The following PDE1A variants were observed in gnomAD, a reference collection of about 807,000 sequenced individuals.
PDE1A encodes the protein phosphodiesterase 1A, also known as dual specificity calcium/calmodulin-dependent 3',5'-cyclic nucleotide phosphodiesterase 1A.
PDE1A carries 35 observed loss-of-function variants against 61.7 expected under a neutral mutation model. That is an observed-to-expected ratio of 0.57 (90% CI 0.43 to 0.75). The LOEUF (loss-of-function observed/expected upper bound fraction) is 0.75. PDE1A is among the 30% of genes least tolerant of loss of function. The pLI, the probability that PDE1A is intolerant of heterozygous loss-of-function variation, is 0.00. For synonymous variants in PDE1A, 232 were observed against 213.2 expected (o/e 1.09, Z -0.77); for missense variants, 597 against 630.6 (o/e 0.95, Z 0.57).
At chr2:182,161,739 C>A (rs1011726582) in intron 13 of PDE1A, among the ~76,000 whole-genome samples, 1 of 152,012 alleles carries the variant, frequency 6.6e-6, no homozygotes, top group African/African-American at 2.4e-5. Context: ...TAACTGATAC[C>A]AGCAGAAATC....
upstream of PDE1A, among the ~76,000 whole-genome samples, chr2:182,429,468 G>A (rs939901816): frequency 6.6e-5 from 10 of 152,066 alleles, no homozygotes; most frequent in East Asian, 1.5e-3. Flanking sequence ...TTTTCCTGAG[G>A]GGGGTCAGAA....
chr2:182,180,274 C>G (rs543302796), intron 13 of PDE1A, among the ~76,000 whole-genome samples: 1 of 152,200 alleles, frequency 6.6e-6, no homozygotes, highest in East Asian at 1.9e-4. Context: ...TAATCATAAT[C>G]ATAATGATAA....
Position 182,517,559 on chromosome 2 carries a change from C to T in PDE1A, c.101+4717G>A, listed in dbSNP as rs1188475761. ...CAAATCCAATGAAGTGAGCATAGCTCTTGCACTCAAAAGCTGTGGTTGAAT... is the reference window on the plus strand; with the variant it reads ...CAAATCCAATGAAGTGAGCATAGCTTTTGCACTCAAAAGCTGTGGTTGAAT... On this transcript the variant is annotated intron_variant, in intron 2 of 14. Coordinates refer to the PDE1A transcript ENST00000410103. Among the ~76,000 whole-genome samples, 6 of 152,172 alleles carry T rather than the reference C, an allele frequency of 3.9e-5. 1 individual carries two copies. The highest frequency in any genetic ancestry group is 8.8e-5 in the Non-Finnish European group (6 of 68,032).
the PDE1A span, among the ~76,000 whole-genome samples, chr2:182,598,832 T>C: frequency 9.2e-5 from 14 of 152,342 alleles, no homozygotes; most frequent in East Asian, 3.9e-4. Flanking sequence ...CCACAAAACT[T>C]TGTGGCTTAA....
the PDE1A span, among the ~76,000 whole-genome samples, chr2:182,655,393 G>T: frequency 6.6e-6 from 1 of 152,126 alleles, no homozygotes; most frequent in African/African-American, 2.4e-5. Flanking sequence ...ATGGGAAGGT[G>T]AACCCAAGTC....
chr2:182,191,501 C>T (rs984983722), intron 10 of PDE1A, among the ~76,000 whole-genome samples: 6 of 152,060 alleles, frequency 3.9e-5, no homozygotes, highest in East Asian at 1.9e-4. Context: ...GATACAACTG[C>T]GTTTTATTCT....
intron 2 of PDE1A, among the ~76,000 whole-genome samples, chr2:182,503,739 G>A (rs1689234218): frequency 6.6e-6 from 1 of 152,104 alleles, no homozygotes; most frequent in Non-Finnish European, 1.5e-5. Flanking sequence ...CCAAGAGTTT[G>A]TTGCTGTACC....
At chr2:182,610,665 A>C in the PDE1A span, among the ~76,000 whole-genome samples, 1 of 152,220 alleles carries the variant, frequency 6.6e-6, no homozygotes, top group Non-Finnish European at 1.5e-5. Context: ...GGTTAAATAA[A>C]AACAAAAAAG....
At chr2:182,254,191 T>A (rs1287104354) in intron 2 of PDE1A, among the ~76,000 whole-genome samples, 1 of 152,116 alleles carries the variant, frequency 6.6e-6, no homozygotes, top group Non-Finnish European at 1.5e-5. Context: ...TTTTGAAAGT[T>A]TGTAGAAAGT....
chr2:182,398,992 A>G (rs943365047), intron 1 of PDE1A, among the ~76,000 whole-genome samples: 2 of 152,036 alleles, frequency 1.3e-5, no homozygotes, highest in African/African-American at 4.8e-5. Flanking sequence ...AGCAGGATTA[A>G]TAATAATACC....
chr2:182,654,443 A>G, the PDE1A span, among the ~76,000 whole-genome samples: 1 of 152,268 alleles, frequency 6.6e-6, no homozygotes, highest in South Asian at 2.1e-4. Context: ...AGCTGGACTC[A>G]CTGTAAGATA....
chr2:182,482,040 C>T (rs577151386), intron 2 of PDE1A, among the ~76,000 whole-genome samples: 10 of 152,016 alleles, frequency 6.6e-5, no homozygotes, highest in Admixed American at 2.0e-4. Context: ...CTTTTCCTTC[C>T]CTTCACTACC....
chr2:182,567,773 C>CT, the PDE1A span, among the ~76,000 whole-genome samples: 8 of 147,350 alleles, frequency 5.4e-5, no homozygotes, highest in Non-Finnish European at 9.0e-5. Context: ...TTAATGTTTA[C>CT]TTTTTTTTTC....
intron 1 of PDE1A, among the ~76,000 whole-genome samples, chr2:182,402,728 G>T (rs1702076077): frequency 6.6e-6 from 1 of 152,210 alleles, no homozygotes. Flanking sequence ...ACTATCATCA[G>T]AGTGAACAGG....
At chr2:182,339,833 A>G (rs1248757701) in intron 1 of PDE1A, among the ~76,000 whole-genome samples, 1 of 152,184 alleles carries the variant, frequency 6.6e-6, no homozygotes, top group Non-Finnish European at 1.5e-5. Flanking sequence ...ATTCCATGAA[A>G]CTTTTGCAAT....
At chr2:182,371,981 A>G (rs1440319068) in intron 1 of PDE1A, among the ~76,000 whole-genome samples, 1 of 152,076 alleles carries the variant, frequency 6.6e-6, no homozygotes, top group Non-Finnish European at 1.5e-5. Context: ...TTTTTAGTAG[A>G]GATGAAGTCT....
chr2:182,648,699 C>G, the PDE1A span, among the ~76,000 whole-genome samples: 1 of 134,418 alleles, frequency 7.4e-6, no homozygotes, highest in Non-Finnish European at 1.6e-5. Context: ...GACCCTGTCT[C>G]TTTAAAAAAA....
At chr2:182,263,618 T>C (rs1201426011) in intron 2 of PDE1A, among the ~76,000 whole-genome samples, 3 of 152,198 alleles carry the variant, frequency 2.0e-5, no homozygotes, top group African/African-American at 7.2e-5. Context: ...CTGTCACTTT[T>C]ATCCTTTTTG....
At chr2:182,347,303 A>T (rs1422408216) in intron 1 of PDE1A, among the ~76,000 whole-genome samples, 1 of 152,176 alleles carries the variant, frequency 6.6e-6, no homozygotes, top group Non-Finnish European at 1.5e-5. Context: ...ATCTGCTATG[A>T]AGAAAGCGAT....
Sources: allele counts gnomAD v4.1 joint callset (sites outside exome capture counted in the v4.1 genomes callset), GRCh38; gene constraint gnomAD v4.1.1; transcripts MANE v1.5; gene names NCBI Gene and HGNC (gene_info 2026-07-23, HGNC 2026-07-21).